The following ADGRL2 variants were observed in gnomAD, a reference collection of about 807,000 sequenced individuals.
The protein encoded by ADGRL2 is calcium-independent alpha-latrotoxin receptor 2.
A neutral mutation model predicts 157.4 loss-of-function variants in ADGRL2; 44 were observed. That is an observed-to-expected ratio of 0.28 (90% confidence interval 0.22 to 0.36). The LOEUF is 0.36. ADGRL2 is among the 10% of genes least tolerant of loss of function. The pLI is 1.00. For missense variants in ADGRL2, 1,510 were observed against 1,768.9 expected (o/e 0.85, Z 2.63); for synonymous variants, 585 against 624.7 (o/e 0.94, Z 0.95).
chr1:81,948,830 G>C (rs1650797715), intron 6 of ADGRL2, among the ~76,000 whole-genome samples: 1 of 152,152 alleles, frequency 6.6e-6, no homozygotes, highest in African/African-American at 2.4e-5. Context: ...TCTTGAGGTA[G>C]AGGGGGGGAA....
chr1:81,587,111 T>G (rs963712365), intron 3 of ADGRL2, among the ~76,000 whole-genome samples: 2 of 152,106 alleles, frequency 1.3e-5, no homozygotes, highest in African/African-American at 4.8e-5. Flanking sequence ...ACAAGACAAG[T>G]TCTTCCTTCA....
chr1:81,749,603 T>C (rs1204924522), intron 1 of ADGRL2, among the ~76,000 whole-genome samples: 6 of 152,206 alleles, frequency 3.9e-5, no homozygotes, highest in Non-Finnish European at 8.8e-5. Context: ...TTATAAATGT[T>C]TGTTAAATGA....
At chr1:81,828,037 C>T (rs2091644715) in intron 1 of ADGRL2, among the ~76,000 whole-genome samples, 2 of 152,140 alleles carry the variant, frequency 1.3e-5, no homozygotes, top group Admixed American at 1.3e-4. Context: ...TGTGACTGAA[C>T]TGCATCCAGT....
At chr1:81,767,298 C>A (rs1244597569) in intron 2 of ADGRL2, among the ~76,000 whole-genome samples, 1 of 152,020 alleles carries the variant, frequency 6.6e-6, no homozygotes. Context: ...TATTATTACA[C>A]ACAGTGCTTC....
At position 81,979,881 on chromosome 1, in the gene ADGRL2, T is replaced by G. The variant is rs1661185182; in HGVS notation, c.3034T>G (p.Phe1012Val). ...VTFIILLNII[F>V]LVITLCKMVK... ...TTTGTTACAACAGCTAAATATTATC[T>G]TCTTGGTGATCACATTGTGCAAAAT... The change falls in exon 18 of 24, where the codon TTC becomes GTC. Residue 1012 changes from phenylalanine (F) to valine (V), a missense_variant. Phe to Val is a conservative substitution (Grantham distance 50). This residue lies in a region of ADGRL2 where 497 missense variants were observed against 627.2 expected (regional missense o/e 0.79). Transcript: ENST00000686636. 1 of 1,597,892 alleles carries G rather than the reference T, an allele frequency of 6.3e-7. No individual in the cohort carries two copies. The highest frequency in any genetic ancestry group is 1.7e-5 in the Admixed American group (1 of 59,682).
At chr1:81,500,561 C>T (rs546089896) in intron 2 of ADGRL2, among the ~76,000 whole-genome samples, 1 of 152,214 alleles carries the variant, frequency 6.6e-6, no homozygotes, top group South Asian at 2.1e-4. Context: ...AGGACAAATA[C>T]TGCAGGATCT....
At chr1:81,434,594 C>T (rs144305888) in intron 1 of ADGRL2, among the ~76,000 whole-genome samples, 24 of 152,214 alleles carry the variant, frequency 1.6e-4, no homozygotes, top group African/African-American at 5.3e-4. Context: ...AGGAAATAAA[C>T]ATCTTGGATG....
chr1:81,410,225 T>A (rs2076924509), intron 1 of ADGRL2, among the ~76,000 whole-genome samples: 1 of 152,228 alleles, frequency 6.6e-6, no homozygotes, highest in Non-Finnish European at 1.5e-5. Flanking sequence ...TTTTTTGTCA[T>A]AGTCATACAA....
chr1:81,872,632 TACTC>T (rs947395379), intron 2 of ADGRL2, among the ~76,000 whole-genome samples: 3 of 152,086 alleles, frequency 2.0e-5, no homozygotes, highest in African/African-American at 7.2e-5. Context: ...GCTGTTGTAA[TACTC>T]ACATGTCAGA....
chr1:81,424,307 G>A (rs2077174772), intron 1 of ADGRL2, among the ~76,000 whole-genome samples: 1 of 152,228 alleles, frequency 6.6e-6, no homozygotes, highest in Admixed American at 6.5e-5. Context: ...GAAGTGCACA[G>A]CCGTCAGACA....
At chr1:81,760,961 A>C (rs990187413) in intron 1 of ADGRL2, among the ~76,000 whole-genome samples, 3 of 151,918 alleles carry the variant, frequency 2.0e-5, no homozygotes, top group African/African-American at 7.2e-5. Flanking sequence ...TCATTACAAA[A>C]TTTGACTTCC....
At chr1:81,346,519 G>A (rs746827403) in intron 1 of ADGRL2, among the ~76,000 whole-genome samples, 33 of 152,252 alleles carry the variant, frequency 2.2e-4, no homozygotes, top group African/African-American at 7.7e-4. Flanking sequence ...CCTGGAGATA[G>A]AGACTTTAGT....
intron 1 of ADGRL2, among the ~76,000 whole-genome samples, chr1:81,809,663 A>G (rs996141798): frequency 6.6e-6 from 1 of 151,974 alleles, no homozygotes; most frequent in African/African-American, 2.4e-5. Flanking sequence ...GCTATTTTCA[A>G]TTGTTAGGTA....
At position 81,991,789 on chromosome 1, in the gene ADGRL2, A is replaced by G. The variant is rs543487028; in HGVS notation, c.*644A>G. The G allele has an allele frequency of 4.6e-5, 7 of 152,654 alleles. No individual in the cohort carries two copies. Among genetic ancestry groups the G allele is most frequent in the Admixed American group, 3.3e-4 (5 of 15,280 alleles). The allele number at this position is 152,654 out of a possible 1,614,324, so 9.5% of individuals were successfully genotyped here. A position where few individuals can be genotyped will look rare whatever the true frequency, so the allele number is the denominator to read the frequency against. On this transcript the variant is annotated 3_prime_UTR_variant, in exon 24 of 24. Transcript: ENST00000686636. ...TTATATTTTGTTCTATTGCTAGGGT[A>G]AAATAAATACATTTGTGTCCAACTG...
intron 2 of ADGRL2, among the ~76,000 whole-genome samples, chr1:81,777,723 A>G (rs11163365): frequency 0.065 from 9,881 of 152,238 alleles, 467 homozygotes; most frequent in African/African-American, 0.12. Flanking sequence ...TGATCATGCC[A>G]TTGCACTCCA....
intron 2 of ADGRL2, among the ~76,000 whole-genome samples, chr1:81,464,765 G>T (rs1046335873): frequency 6.6e-6 from 1 of 151,914 alleles, no homozygotes; most frequent in Non-Finnish European, 1.5e-5. Context: ...CCTATTCTTT[G>T]CACATACCTC....
intron 2 of ADGRL2, among the ~76,000 whole-genome samples, chr1:81,904,685 G>A (rs1375461884): frequency 2.6e-5 from 4 of 152,186 alleles, no homozygotes; most frequent in African/African-American, 4.8e-5. Flanking sequence ...GGAGGTGGGC[G>A]GATCACGAGG....
chr1:81,897,428 G>C (rs1412984100), intron 2 of ADGRL2, among the ~76,000 whole-genome samples: 4 of 151,966 alleles, frequency 2.6e-5, no homozygotes, highest in Non-Finnish European at 4.4e-5. Flanking sequence ...ATTTTTTTAA[G>C]TTAAGTATTA....
rs571512833 is a variant in ADGRL2, at chr1:81,502,793, T to G, written c.-248+57704T>G. On this transcript the variant is annotated intron_variant, in intron 2 of 24. Coordinates refer to the ADGRL2 transcript ENST00000370721. ...CGGCCCAGCTACAGCTCCTCCCTCTTTGGCTACTCACCTGCTGCGGCTACT... is the reference window on the plus strand; with the variant it reads ...CGGCCCAGCTACAGCTCCTCCCTCTGTGGCTACTCACCTGCTGCGGCTACT... 964 of 1,612,984 alleles carry G rather than the reference T, an allele frequency of 6.0e-4. 10 individuals are homozygous for G. In the African/African-American group the frequency reaches 0.012, roughly 19 times the overall value.
Sources: allele counts gnomAD v4.1 joint callset (sites outside exome capture counted in the v4.1 genomes callset), GRCh38; gene constraint gnomAD v4.1.1; regional missense constraint gnomAD v4.1.1; transcripts MANE v1.5; gene names NCBI Gene and HGNC (gene_info 2026-07-23, HGNC 2026-07-21).